Variants in TYW1B observed in about 807,000 individuals in gnomAD.
TYW1B encodes tRNA-yW synthesizing protein 1 homolog B.
Under a neutral mutation model 86.9 loss-of-function variants are expected in TYW1B, and 73 were observed. The observed-to-expected ratio is 0.84, with a 90% CI of 0.70 to 1.02. TYW1B has a LOEUF of 1.02. Among genes scored for constraint, TYW1B ranks in the 50% least tolerant of loss-of-function variants. TYW1B has a pLI of 0.00. For synonymous variants in TYW1B, 248 were observed against 292.8 expected (o/e 0.85, Z 1.56); for missense variants, 637 against 827.4 (o/e 0.77, Z 2.82).
chr7:72,717,742 A>C (rs1554456480), intron 9 of TYW1B, among the ~76,000 whole-genome samples: 3 of 152,134 alleles, frequency 2.0e-5, no homozygotes, highest in African/African-American at 7.2e-5. Flanking sequence ...TACGTGAAAA[A>C]AACACTCAGC....
intron 7 of TYW1B, among the ~76,000 whole-genome samples, chr7:72,775,933 AT>A (rs1407596443): frequency 6.6e-6 from 1 of 152,188 alleles, no homozygotes; most frequent in African/African-American, 2.4e-5. Context: ...TGAGTTAGAT[AT>A]AAAAATAGAT....
intron 11 of TYW1B, among the ~76,000 whole-genome samples, chr7:72,678,788 C>T (rs1354516867): frequency 6.6e-6 from 1 of 152,020 alleles, no homozygotes; most frequent in African/African-American, 2.4e-5. Flanking sequence ...GATCCGCCTG[C>T]CTCAGCCTCC....
At chr7:72,657,665 G>A (rs1351619148) in intron 11 of TYW1B, among the ~76,000 whole-genome samples, 1 of 152,120 alleles carries the variant, frequency 6.6e-6, no homozygotes, top group African/African-American at 2.4e-5. Flanking sequence ...TATAGAACAG[G>A]AGAGAATGGG....
At chr7:72,820,925 C>A (rs1173439091) in intron 2 of TYW1B, among the ~76,000 whole-genome samples, 1 of 152,128 alleles carries the variant, frequency 6.6e-6, no homozygotes, top group African/African-American at 2.4e-5. Flanking sequence ...GCGAAAATAT[C>A]CCTGACAGTA....
chr7:72,628,872 T>C lies in TYW1B; in HGVS notation c.1617+15A>G, dbSNP rs1563036811. On this transcript the variant is annotated intron_variant, in intron 12 of 13. Transcript: ENST00000620995. ...TGTCACTCCACCACGGCCACCAGAGTCAGCAGGGGCTTACCTTCACTTCGA... is the reference window on the plus strand; with the variant it reads ...TGTCACTCCACCACGGCCACCAGAGCCAGCAGGGGCTTACCTTCACTTCGA... 8.9e-6 allele frequency: 14 copies of C among 1,572,884 alleles called. No homozygotes were observed. The highest frequency in any genetic ancestry group is 1.9e-5 in the Admixed American group (1 of 53,158).
At chr7:72,788,907 T>A (rs558298153) in intron 6 of TYW1B, among the ~76,000 whole-genome samples, 2 of 152,088 alleles carry the variant, frequency 1.3e-5, no homozygotes, top group South Asian at 4.2e-4. Flanking sequence ...CATAGCTCAC[T>A]GCAGCCTTGA....
chr7:72,619,420 T>C (rs1469925755), intron 12 of TYW1B, among the ~76,000 whole-genome samples: 1 of 151,872 alleles, frequency 6.6e-6, no homozygotes, highest in African/African-American at 2.4e-5. Flanking sequence ...GGCGGGTGGA[T>C]CATGAGGTCA....
At chr7:72,626,603 T>C (rs1346221516) in intron 12 of TYW1B, among the ~76,000 whole-genome samples, 2 of 152,210 alleles carry the variant, frequency 1.3e-5, no homozygotes, top group Non-Finnish European at 2.9e-5. Context: ...AGCAAACAGT[T>C]TCGCCATCCA....
At chr7:72,598,752 G>C (rs1554433121) in intron 13 of TYW1B, among the ~76,000 whole-genome samples, 1 of 152,142 alleles carries the variant, frequency 6.6e-6, no homozygotes, top group Non-Finnish European at 1.5e-5. Context: ...TGGGACTTGT[G>C]ACTGCGTCAA....
chr7:72,735,311 T>C lies in TYW1B; in HGVS notation c.1083-6380A>G, dbSNP rs545311783. Among the ~76,000 whole-genome samples, 927 of 152,308 alleles carry C rather than the reference T, an allele frequency of 6.1e-3. 8 individuals carry two copies. Among genetic ancestry groups the C allele is most frequent in the Non-Finnish European group, 0.01 (711 of 68,026 alleles). On this transcript the variant is annotated intron_variant, in intron 8 of 13. Transcript: ENST00000620995. ...GAGGCTGGGCATAGTGGGTCACGCC[T>C]GTAATCCCAGCACTTTGGGAGGCTG...
intron 11 of TYW1B, among the ~76,000 whole-genome samples, chr7:72,629,931 A>G (rs1554439607): frequency 2.0e-5 from 3 of 152,154 alleles, no homozygotes; most frequent in South Asian, 4.1e-4. Flanking sequence ...TTAGAACCCA[A>G]AACAAATGAT....
At chr7:72,703,022 ATATATT>A (rs1423877750) in intron 10 of TYW1B, among the ~76,000 whole-genome samples, 224 of 7,136 alleles carry the variant, frequency 0.031, 1 homozygote, top group African/African-American at 0.079. Context: ...ATATATATAT[ATATATT>A]TTTTTTTTTT....
intron 11 of TYW1B, among the ~76,000 whole-genome samples, chr7:72,647,304 G>T (rs1224340679): frequency 6.6e-6 from 1 of 152,168 alleles, no homozygotes; most frequent in African/African-American, 2.4e-5. Context: ...GATGATTAAA[G>T]AATCTGAAAA....
chr7:72,651,719 C>G (rs1813063359), intron 11 of TYW1B, among the ~76,000 whole-genome samples: 1 of 151,980 alleles, frequency 6.6e-6, no homozygotes. Flanking sequence ...AACACGTTTG[C>G]AAGTCATAAA....
intron 6 of TYW1B, among the ~76,000 whole-genome samples, chr7:72,798,087 C>T (rs7800121): frequency 0.69 from 103,999 of 151,484 alleles, 36,610 homozygotes; most frequent in Non-Finnish European, 0.77. Context: ...CAAATATAAA[C>T]GCACATTTTT....
chr7:72,621,380 C>A (rs1812210503), intron 12 of TYW1B, among the ~76,000 whole-genome samples: 1 of 152,196 alleles, frequency 6.6e-6, no homozygotes. Context: ...TTAAACCAGC[C>A]TGAGCTTCTC....
chr7:72,634,817 G>T (rs3110833), intron 11 of TYW1B, among the ~76,000 whole-genome samples: 2 of 152,106 alleles, frequency 1.3e-5, no homozygotes, highest in Non-Finnish European at 2.9e-5. Flanking sequence ...TCTTGAATAT[G>T]TCTCTGTTGG....
At chr7:72,606,346 G>C (rs1241762935) in intron 13 of TYW1B, among the ~76,000 whole-genome samples, 1 of 152,112 alleles carries the variant, frequency 6.6e-6, no homozygotes, top group Non-Finnish European at 1.5e-5. Flanking sequence ...ACACTGAGTG[G>C]GGAACCTAGA....
chr7:72,690,080 A>G (rs1472556242), intron 11 of TYW1B, among the ~76,000 whole-genome samples: 1 of 152,244 alleles, frequency 6.6e-6, no homozygotes, highest in Non-Finnish European at 1.5e-5. Flanking sequence ...TTAAGGTGCA[A>G]TGCAAGAAAT....
Sources: allele counts gnomAD v4.1 joint callset (sites outside exome capture counted in the v4.1 genomes callset), GRCh38; gene constraint gnomAD v4.1.1; transcripts MANE v1.5; gene names NCBI Gene and HGNC (gene_info 2026-07-23, HGNC 2026-07-21).